The following TRAPPC9 variants were observed in gnomAD, a reference collection of about 807,000 sequenced individuals.
The protein encoded by TRAPPC9 is IKK2 binding protein.
In TRAPPC9, 83 loss-of-function variants were observed where a neutral mutation model predicts 124.0. The observed-to-expected ratio is 0.67, with a 90% CI of 0.56 to 0.80. The LOEUF (loss-of-function observed/expected upper bound fraction) is 0.80, where lower values mean the gene tolerates loss of function less well. TRAPPC9 is among the 30% of genes least tolerant of loss of function. TRAPPC9 has a pLI of 0.00. For synonymous variants in TRAPPC9, 638 were observed against 617.5 expected (o/e 1.03, Z -0.49); for missense variants, 1,302 against 1,508.3 (o/e 0.86, Z 2.27).
At position 139,770,391 on chromosome 8, in the gene TRAPPC9, C is replaced by T. The variant is rs574387975; in HGVS notation, c.3056-38189G>A. ...TTCCATGTTTTGCTCCTTTGCAGAG[C>T]GGGGAAGGCTTTGGTGTCTGAGGCT... On this transcript the variant is annotated intron_variant, in intron 21 of 22. Transcript: ENST00000438773. Among the ~76,000 whole-genome samples the T allele has an allele frequency of 2.6e-4, 39 of 152,330 alleles. No homozygotes were observed. The South Asian group carries it at 3.5e-3, about 14-fold the overall frequency.
intron 20 of TRAPPC9, among the ~76,000 whole-genome samples, 158 bp downstream of exon 20, chr8:139,909,989 A>C (rs950047413): frequency 2.0e-5 from 3 of 152,202 alleles, no homozygotes; most frequent in Non-Finnish European, 4.4e-5. Flanking sequence ...TAAGAGGTTA[A>C]GGAAATGCCA....
In TRAPPC9 at chr8:140,318,324, G is replaced by T. The variant is rs111394805; in HGVS notation, c.1496-6950C>A. Among the ~76,000 whole-genome samples, 6 of 152,252 alleles carry T rather than the reference G, an allele frequency of 3.9e-5. No individual in the cohort carries two copies. The East Asian group carries it at 5.8e-4, about 15-fold the overall frequency. On this transcript the variant is annotated intron_variant, in intron 9 of 22. Coordinates refer to ENST00000438773, the MANE Select transcript of TRAPPC9 (RefSeq NM_001160372.4). ...GATTTTTAATACAATGTGAAATGAC[G>T]AAATCAAGCTAACATGTCCATCACC...
chr8:140,025,780 G>C (rs1288768072), intron 17 of TRAPPC9, among the ~76,000 whole-genome samples: 1 of 152,138 alleles, frequency 6.6e-6, no homozygotes, highest in Non-Finnish European at 1.5e-5. Flanking sequence ...TAGAATCGGA[G>C]GAAATGAGTT....
intron 17 of TRAPPC9, among the ~76,000 whole-genome samples, chr8:140,027,939 C>T (rs1563701354): frequency 6.6e-6 from 1 of 152,160 alleles, no homozygotes; most frequent in Non-Finnish European, 1.5e-5. Flanking sequence ...CACCTCCCAC[C>T]ATGTCCCTCC....
chr8:140,406,720 T>C (rs1378040128), intron 5 of TRAPPC9, among the ~76,000 whole-genome samples: 3 of 152,208 alleles, frequency 2.0e-5, no homozygotes, highest in Non-Finnish European at 2.9e-5. Context: ...AAGCATTTCA[T>C]GTGCAAAATC....
At chr8:140,258,280 G>C (rs1366607309) in intron 15 of TRAPPC9, among the ~76,000 whole-genome samples, 1 of 152,250 alleles carries the variant, frequency 6.6e-6, no homozygotes, top group African/African-American at 2.4e-5. Flanking sequence ...ACTAATTCTG[G>C]ACTTGTTCTC....
intron 18 of TRAPPC9, among the ~76,000 whole-genome samples, chr8:139,995,590 T>C (rs942735465): frequency 6.6e-6 from 1 of 152,092 alleles, no homozygotes; most frequent in African/African-American, 2.4e-5. Context: ...CCTGCCTTTG[T>C]AGCAGGCACA....
At chr8:140,259,897 AAC>A (rs1403733180) in intron 15 of TRAPPC9, among the ~76,000 whole-genome samples, 2 of 152,238 alleles carry the variant, frequency 1.3e-5, no homozygotes. Flanking sequence ...TCACGCTTAG[AAC>A]AGACGGAAAA....
chr8:140,093,825 G>A (rs1308766793), intron 17 of TRAPPC9, among the ~76,000 whole-genome samples: 1 of 152,120 alleles, frequency 6.6e-6, no homozygotes, highest in Non-Finnish European at 1.5e-5. Context: ...TGACTGGCAG[G>A]GCTAGACTTA....
At position 139,852,865 on chromosome 8, in the gene TRAPPC9, T is replaced by C. The variant is rs189624833; in HGVS notation, c.3055+33014A>G. ...GGATGGGATATCATCTTTCAAAATATGGGCAGCCCCTGGGGAGAGGAAACT... is the reference window on the plus strand; with the variant it reads ...GGATGGGATATCATCTTTCAAAATACGGGCAGCCCCTGGGGAGAGGAAACT... On this transcript the variant is annotated intron_variant, in intron 21 of 22. Coordinates refer to ENST00000438773, the MANE Select transcript of TRAPPC9 (RefSeq NM_001160372.4). 9.8e-5 allele frequency among the ~76,000 whole-genome samples: 15 copies of C among 152,286 alleles called. No homozygotes were observed. In the East Asian group the frequency reaches 2.7e-3, roughly 27 times the overall value.
At position 140,327,059 on chromosome 8, in the gene TRAPPC9, C is replaced by T. The variant is rs1393666657; in HGVS notation, c.1496-15685G>A. Among the ~76,000 whole-genome samples the T allele has an allele frequency of 2.0e-5, 3 of 152,024 alleles. No homozygotes were observed. The East Asian group carries it at 5.8e-4, about 29-fold the overall frequency. The stretch of plus-strand genomic sequence containing the variant: ...CTGAGGTCAGGAGTTCCAAGACCAG[C>T]CTGACCAATATGGTGAAACCCCGTC... On this transcript the variant is annotated intron_variant, in intron 9 of 22. Transcript: ENST00000438773.
intron 10 of TRAPPC9, among the ~76,000 whole-genome samples, chr8:140,310,425 T>G (rs2066264395): frequency 6.6e-6 from 1 of 152,222 alleles, no homozygotes; most frequent in Admixed American, 6.5e-5. Flanking sequence ...AAATGTCAGA[T>G]TCAACTGTTT....
intron 17 of TRAPPC9, among the ~76,000 whole-genome samples, chr8:140,059,219 G>A (rs1379992779): frequency 1.3e-5 from 2 of 152,260 alleles, no homozygotes; most frequent in African/African-American, 2.4e-5. Flanking sequence ...AATCATAACA[G>A]TGTGTACTTT....
chr8:139,958,663 A>G (rs1350675538), intron 19 of TRAPPC9, among the ~76,000 whole-genome samples: 1 of 152,144 alleles, frequency 6.6e-6, no homozygotes, highest in Non-Finnish European at 1.5e-5. Context: ...AGGGAGGCCG[A>G]CCACTCTGTA....
chr8:140,451,995 C>G (rs1270821860), intron 1 of TRAPPC9, among the ~76,000 whole-genome samples: 7 of 151,938 alleles, frequency 4.6e-5, no homozygotes, highest in African/African-American at 1.5e-4. Context: ...GTGGCACGTG[C>G]CTGTAATCCC....
intron 18 of TRAPPC9, among the ~76,000 whole-genome samples, chr8:140,007,771 T>C (rs1283855154): frequency 1.3e-5 from 2 of 152,226 alleles, no homozygotes; most frequent in Non-Finnish European, 2.9e-5. Context: ...TCTGTTATTA[T>C]TTTAAAATGA....
intron 19 of TRAPPC9, among the ~76,000 whole-genome samples, chr8:139,976,134 G>A (rs910595424): frequency 6.6e-5 from 10 of 151,568 alleles, no homozygotes; most frequent in African/African-American, 9.7e-5. Context: ...CTCGTGATCC[G>A]CTCGCCTCAG....
intron 8 of TRAPPC9, among the ~76,000 whole-genome samples, chr8:140,369,642 C>A (rs2068221450): frequency 1.3e-5 from 2 of 152,078 alleles, no homozygotes; most frequent in South Asian, 4.2e-4. Flanking sequence ...AATGGATGGA[C>A]ATGACCACAT....
chr8:139,921,356 C>A (rs1465150934), intron 19 of TRAPPC9, among the ~76,000 whole-genome samples: 1 of 152,188 alleles, frequency 6.6e-6, no homozygotes, highest in African/African-American at 2.4e-5. Flanking sequence ...AGGCCCTAAA[C>A]TCAGTGCATG....
Sources: gnomAD v4.1 joint callset for allele counts (sites outside exome capture counted in the v4.1 genomes callset) on GRCh38, gnomAD v4.1.1 for gene constraint, MANE v1.5 for transcripts, NCBI Gene and HGNC (gene_info 2026-07-23, HGNC 2026-07-21) for gene names.